PTPN22: variants seen among roughly 807,000 people sequenced by gnomAD.
The protein encoded by PTPN22 is tyrosine-protein phosphatase non-receptor type 22.
In PTPN22, 85 loss-of-function variants were observed where a neutral mutation model predicts 103.3. That is an observed-to-expected ratio of 0.82 (90% CI 0.69 to 0.99). PTPN22 has a LOEUF of 0.99. PTPN22 is among the 50% of genes least tolerant of loss of function. The pLI is 0.00. For missense variants in PTPN22, 865 were observed against 936.9 expected, an observed-to-expected ratio of 0.92 and a Z score of 1.00; for synonymous variants, 323 against 310.2, an observed-to-expected ratio of 1.04 and a Z score of -0.43.
At chr1:113,870,313 T>C (rs1666472352) in intron 1 of PTPN22, among the ~76,000 whole-genome samples, 1 of 152,210 alleles carries the variant, frequency 6.6e-6, no homozygotes, top group African/African-American at 2.4e-5. Flanking sequence ...AAAATCATGA[T>C]TTAATTTCAG....
rs1393935410 is a variant in PTPN22, at chr1:113,833,108, T to G, written c.2053+3A>C. 6.4e-7 allele frequency: 1 copy of G among 1,566,410 alleles called. No individual in the cohort carries two copies. The highest frequency in any genetic ancestry group is 8.8e-7 in the Non-Finnish European group (1 of 1,140,826). On this transcript the variant is annotated splice_donor_region_variant and intron_variant, in intron 16 of 20. Transcript: ENST00000359785. ...GTCATCTAAAGCCAAGAGAAATTTT[T>G]ACCTGATTTAGGACTTCGGAGTTTT...
chr1:113,840,774 T>C (rs1223461047), intron 11 of PTPN22, among the ~76,000 whole-genome samples: 5 of 152,178 alleles, frequency 3.3e-5, no homozygotes, highest in Non-Finnish European at 5.9e-5. Flanking sequence ...ACTGACATAG[T>C]ATAGACTAAA....
chr1:113,815,217 A>G (rs937203227), intron 20 of PTPN22, among the ~76,000 whole-genome samples: 53 of 152,280 alleles, frequency 3.5e-4, no homozygotes, highest in Middle Eastern at 3.4e-3. Context: ...TAATAATAGA[A>G]TGTAGGACCC....
intron 11 of PTPN22, among the ~76,000 whole-genome samples, chr1:113,847,879 G>A (rs1664236398): frequency 1.3e-5 from 2 of 152,030 alleles, no homozygotes; most frequent in Middle Eastern, 3.4e-3. Context: ...TGGGATTACA[G>A]GAGTGAACCA....
intron 1 of PTPN22, among the ~76,000 whole-genome samples, chr1:113,864,965 G>T (rs1217612725): frequency 6.6e-6 from 1 of 152,166 alleles, no homozygotes; most frequent in Non-Finnish European, 1.5e-5. Flanking sequence ...GGAGTGTGAG[G>T]AATGTTCAAG....
exon 9 of PTPN22, chr1:113,854,500 C>T: frequency 6.2e-7 from 1 of 1,613,988 alleles, no homozygotes; most frequent in Non-Finnish European, 8.5e-7. Context: ...CATGTATAAT[C>T]AATAGCACAA....
chr1:113,840,830 G>A (rs1314309367), intron 11 of PTPN22, among the ~76,000 whole-genome samples: 2 of 152,184 alleles, frequency 1.3e-5, no homozygotes, highest in Non-Finnish European at 2.9e-5. Context: ...TACATATGGT[G>A]GGCAATTGAT....
chr1:113,862,759 C>T (rs1223808159), intron 1 of PTPN22, among the ~76,000 whole-genome samples: 1 of 152,108 alleles, frequency 6.6e-6, no homozygotes, highest in Non-Finnish European at 1.5e-5. Context: ...AAGGTAGTTC[C>T]TCAGTGCCTT....
chr1:113,831,037 T>C (rs1212266205), intron 16 of PTPN22, among the ~76,000 whole-genome samples: 1 of 152,202 alleles, frequency 6.6e-6, no homozygotes, highest in African/African-American at 2.4e-5. Context: ...AAATACTTAA[T>C]AACTACTCTG....
At chr1:113,838,544 C>A (rs146211793) in exon 12 of PTPN22, 2 of 1,612,410 alleles carry the variant, frequency 1.2e-6, no homozygotes, top group East Asian at 2.2e-5. Context: ...TTGTACTCAC[C>A]TTTTTGGTAA....
At chr1:113,858,614 T>C in intron 3 of PTPN22, 41 bp from the exon 4 acceptor site, 2 of 1,210,266 alleles carry the variant, frequency 1.7e-6, no homozygotes, top group Non-Finnish European at 2.3e-6. Context: ...CTACAAATAA[T>C]ACCCTGTTCT....
At chr1:113,818,251 G>A (rs576173336) in intron 20 of PTPN22, among the ~76,000 whole-genome samples, 37 of 151,768 alleles carry the variant, frequency 2.4e-4, no homozygotes, top group African/African-American at 8.7e-4. Flanking sequence ...TGCAACCTCC[G>A]ACTCCCTGGT....
intron 13 of PTPN22, among the ~76,000 whole-genome samples, chr1:113,835,583 A>C (rs1470861423): frequency 2.0e-5 from 3 of 152,204 alleles, no homozygotes; most frequent in African/African-American, 7.2e-5. Context: ...ACGGTGTATC[A>C]GTTAACATAA....
intron 1 of PTPN22, among the ~76,000 whole-genome samples, chr1:113,861,294 G>A (rs942154461): frequency 6.6e-6 from 1 of 152,118 alleles, no homozygotes; most frequent in Non-Finnish European, 1.5e-5. Context: ...AGGCTGGAGT[G>A]CAGTGGCATG....
intron 1 of PTPN22, among the ~76,000 whole-genome samples, chr1:113,867,064 T>G (rs1666182587): frequency 2.6e-5 from 4 of 152,116 alleles, no homozygotes; most frequent in Admixed American, 2.6e-4. Context: ...ACAAAAAAAG[T>G]TTTGATTTGT....
At chr1:113,832,039 TTATC>T (rs1222592552) in intron 16 of PTPN22, among the ~76,000 whole-genome samples, 1 of 135,180 alleles carries the variant, frequency 7.4e-6, no homozygotes, top group Non-Finnish European at 1.6e-5. Context: ...CTCATAAAAA[TTATC>T]TAAGGGATTC....
chr1:113,853,869 T>A (rs1664811924), intron 9 of PTPN22, among the ~76,000 whole-genome samples: 2 of 133,240 alleles, frequency 1.5e-5, no homozygotes, highest in Admixed American at 1.5e-4. Flanking sequence ...CTTTTTTTTT[T>A]TTTTTTTTTT....
At chr1:113,833,451 A>G (rs1368071744) in intron 15 of PTPN22, among the ~76,000 whole-genome samples, 3 of 152,198 alleles carry the variant, frequency 2.0e-5, no homozygotes. Context: ...TTACTTCATA[A>G]CATTGGAAGA....
rs1263155262 is a variant in PTPN22, at chr1:113,843,114, A to G, written c.916-4494T>C. Among the ~76,000 whole-genome samples, 3 of 146,966 alleles carry G rather than the reference A, an allele frequency of 2.0e-5. No homozygotes were observed. The East Asian group carries it at 5.8e-4, about 28-fold the overall frequency. Reference sequence around the variant, plus strand: ...GACTCCGTCTCAAAAAAAAAAAAAAAGAAAACTAAACATAGAATTACCACA... The same window carrying G: ...GACTCCGTCTCAAAAAAAAAAAAAAGGAAAACTAAACATAGAATTACCACA... On this transcript the variant is annotated intron_variant, in intron 11 of 20. Coordinates refer to ENST00000359785, the Ensembl canonical transcript of PTPN22.
Sources: gnomAD v4.1 joint callset for allele counts (sites outside exome capture counted in the v4.1 genomes callset) on GRCh38, gnomAD v4.1.1 for gene constraint, MANE v1.5 for transcripts, NCBI Gene and HGNC (gene_info 2026-07-23, HGNC 2026-07-21) for gene names.